Variants in SAMM50 observed in about 807,000 individuals in gnomAD.
SAMM50 encodes sorting and assembly machinery component 50 homolog.
SAMM50 carries 47 observed loss-of-function variants against 66.9 expected under a neutral mutation model. The ratio of observed to expected loss-of-function variants is 0.70; its 90% confidence interval spans 0.56 to 0.90. The LOEUF (loss-of-function observed/expected upper bound fraction) is 0.90, where lower values mean the gene tolerates loss of function less well. Ranked by LOEUF, SAMM50 falls within the 40% of genes least tolerant of loss-of-function variation. The pLI is 0.00. For missense variants in SAMM50, 535 were observed against 595.3 expected (o/e 0.90, Z 1.05); for synonymous variants, 191 against 214.1 (o/e 0.89, Z 0.94).
chr22:43,984,043 G>T (rs201558634), intron 12 of SAMM50, 43 bp downstream of exon 12: 99 of 1,550,110 alleles, frequency 6.4e-5, no homozygotes, highest in Non-Finnish European at 8.5e-5. Context: ...GAAGGCTCGC[G>T]TCTCACTTTG....
chr22:43,963,916 A>G (rs2050159953), intron 2 of SAMM50, among the ~76,000 whole-genome samples: 1 of 150,556 alleles, frequency 6.6e-6, no homozygotes, highest in Admixed American at 6.6e-5. Flanking sequence ...TTATTTTTAA[A>G]ATTTTTTTTG....
At chr22:43,987,441 C>G (rs2050300237) in intron 12 of SAMM50, 1 of 152,242 alleles carries the variant, frequency 6.6e-6, no homozygotes, top group African/African-American at 2.4e-5. Flanking sequence ...CCTGGAAGAT[C>G]CCATTTATAA....
At chr22:43,978,049 C>A in intron 10 of SAMM50, 91 bp downstream of exon 10, 1 of 851,354 alleles carries the variant, frequency 1.2e-6, no homozygotes, top group Non-Finnish European at 1.9e-6. Context: ...ATCTAAAGCA[C>A]AGAGTGGAAG....
At chr22:43,980,091 T>TCCACCCATCCAC (rs2050254993) in intron 10 of SAMM50, among the ~76,000 whole-genome samples, 2 of 129,196 alleles carry the variant, frequency 1.5e-5, no homozygotes, top group African/African-American at 3.1e-5. Context: ...CGTCCGTCCA[T>TCCACCCATCCAC]CCATCCACCC....
intron 12 of SAMM50, chr22:43,988,292 T>G (rs1227557083): frequency 5.9e-5 from 9 of 152,192 alleles, no homozygotes; most frequent in Admixed American, 5.2e-4. Context: ...TGTGAGGAAC[T>G]GAAGTCTTTA....
In SAMM50 at chr22:43,989,162, C is replaced by A; in HGVS notation, c.1127C>A (p.Thr376Asn). 1 of 1,614,160 alleles carries A rather than the reference C, an allele frequency of 6.2e-7. No individual in the cohort carries two copies. The highest frequency in any genetic ancestry group is 8.5e-7 in the Non-Finnish European group (1 of 1,180,012). ...TGGGCCGGCGGCCTGCACCTCTACA[C>A]CCCATTACCTTTCCGGCCAGGCCAG... ...AYWAGGLHLY[T>N]PLPFRPGQGG... Residue 376 changes from threonine to asparagine, a missense_variant, in exon 13 of 15, where the codon ACC becomes AAC. Transcript: ENST00000350028.
Position 43,972,980 on chromosome 22 carries a change from G to A in SAMM50, c.539G>A (p.Arg180Gln), listed in dbSNP as rs774496859. The A allele has an allele frequency of 5.0e-6, 8 of 1,591,620 alleles. No homozygotes were observed. The Admixed American group carries it at 5.8e-5, about 11-fold the overall frequency. ...TATGGCCTGTCCTTCTTCAAACCAC[G>A]GCCCGGAAACTTCGAAAGAAAGTAG... ...TSYGLSFFKP[R>Q]PGNFERNFSV... Residue 180 changes from arginine (R) to glutamine (Q), a missense_variant, in exon 6 of 15, where the codon CGG becomes CAG. Transcript: ENST00000350028.
At chr22:43,962,000 CTG>C (rs919828226) in intron 1 of SAMM50, among the ~76,000 whole-genome samples, 8 of 150,986 alleles carry the variant, frequency 5.3e-5, no homozygotes, top group East Asian at 3.9e-4. Context: ...GTGTGTGTGT[CTG>C]TGTGTGTGTG....
At chr22:43,964,613 C>G (rs1403834687) in intron 3 of SAMM50, 60 bp downstream of exon 3, 1 of 933,778 alleles carries the variant, frequency 1.1e-6, no homozygotes, top group Non-Finnish European at 1.7e-6. Context: ...TCGTAAATGT[C>G]CCCATGTGAA....
chr22:43,976,210 ATAAT>A, intron 8 of SAMM50, 27 bp downstream of exon 8: 1 of 1,590,484 alleles, frequency 6.3e-7, no homozygotes, highest in Non-Finnish European at 8.6e-7. Context: ...GTTGGAGTAA[ATAAT>A]TTTGTTGATG....
intron 1 of SAMM50, 111 bp downstream of exon 1, chr22:43,955,709 T>G (rs1603418276): frequency 8.3e-7 from 1 of 1,210,542 alleles, no homozygotes; most frequent in African/African-American, 1.5e-5. Flanking sequence ...GGAGAGAGGG[T>G]GCCAAGGGTG....
At chr22:43,959,507 T>TACACACACACACACACACACAC (rs138315774) in intron 1 of SAMM50, among the ~76,000 whole-genome samples, 26 of 138,584 alleles carry the variant, frequency 1.9e-4, no homozygotes, top group Non-Finnish European at 2.6e-4. Flanking sequence ...TTTTTTATAT[T>TACACACACACACACACACACAC]ACACACACAC....
intron 3 of SAMM50, among the ~76,000 whole-genome samples, chr22:43,965,822 T>C (rs1206517794): frequency 6.6e-6 from 1 of 152,164 alleles, no homozygotes; most frequent in Non-Finnish European, 1.5e-5. Flanking sequence ...GTACACACTT[T>C]CTAACTTTTT....
chr22:43,988,674 GTCTCCA>G (rs1168109173), intron 12 of SAMM50: 2 of 154,488 alleles, frequency 1.3e-5, no homozygotes, highest in African/African-American at 4.8e-5. Context: ...ATGTGCAGCT[GTCTCCA>G]CACACTGCAG....
Position 43,976,733 on chromosome 22 carries a change from A to T in SAMM50, c.778-17A>T. Reference sequence around the variant, plus strand: ...AACTTCTTAAAGTGAAAATATCCCCATTCAAATTTCTTTCAGCACGCCATG... The same window carrying T: ...AACTTCTTAAAGTGAAAATATCCCCTTTCAAATTTCTTTCAGCACGCCATG... On this transcript the variant is annotated splice_polypyrimidine_tract_variant and intron_variant, in intron 8 of 14. Transcript: ENST00000350028. The T allele has an allele frequency of 2.5e-6, 4 of 1,594,868 alleles. No homozygotes were observed. The highest frequency in any genetic ancestry group is 3.4e-6 in the Non-Finnish European group (4 of 1,163,996).
At chr22:43,956,020 C>A (rs891255753) in intron 1 of SAMM50, among the ~76,000 whole-genome samples, 1 of 152,164 alleles carries the variant, frequency 6.6e-6, no homozygotes, top group Non-Finnish European at 1.5e-5. Context: ...CTAACTCAAA[C>A]CTATCTAGGG....
intron 1 of SAMM50, among the ~76,000 whole-genome samples, chr22:43,957,792 C>G (rs2050127664): frequency 6.7e-6 from 1 of 149,612 alleles, no homozygotes; most frequent in Non-Finnish European, 1.5e-5. Context: ...CAGAGTCTTG[C>G]TCTGTGCCCA....
chr22:43,964,525 A>G lies in SAMM50; in HGVS notation c.206A>G (p.Asp69Gly). The change falls in exon 3 of 15, where the codon GAT becomes GGT. Residue 69 changes from aspartate to glycine, a missense_variant. Asp to Gly is a moderately conservative substitution (Grantham distance 94). Coordinates refer to ENST00000350028, the MANE Select transcript of SAMM50 (RefSeq NM_015380.5). ...GATATCATCATTTGTGAAATTGGAG[A>G]TGTTTTCAAGGCCAAAAACCTAATT... ...KDDIIICEIGDVFKAKNLIEV... is the reference protein window; with the variant it reads ...KDDIIICEIGGVFKAKNLIEV... 6.2e-7 allele frequency: 1 copy of G among 1,609,908 alleles called. No homozygotes were observed. Among genetic ancestry groups the G allele is most frequent in the Non-Finnish European group, 8.5e-7 (1 of 1,176,250 alleles).
At chr22:43,984,375 C>T (rs927205678) in intron 12 of SAMM50, among the ~76,000 whole-genome samples, 9 of 152,186 alleles carry the variant, frequency 5.9e-5, no homozygotes, top group Non-Finnish European at 7.4e-5. Flanking sequence ...TGCAATGGCG[C>T]GATCTCGGCT....
Sources: gnomAD v4.1 joint callset for allele counts (sites outside exome capture counted in the v4.1 genomes callset) on GRCh38, gnomAD v4.1.1 for gene constraint, MANE v1.5 for transcripts, NCBI Gene and HGNC (gene_info 2026-07-23, HGNC 2026-07-21) for gene names.